The following MYO18B variants were observed in gnomAD, a reference collection of about 807,000 sequenced individuals.
The protein encoded by MYO18B is unconventional myosin-XVIIIb.
MYO18B carries 204 observed loss-of-function variants against 273.0 expected under a neutral mutation model. The observed-to-expected ratio is 0.75, with a 90% CI of 0.67 to 0.84. The LOEUF is 0.84. Ranked by LOEUF, MYO18B falls within the 40% of genes least tolerant of loss-of-function variation. The pLI is 0.00. For synonymous variants in MYO18B, 1,330 were observed against 1,305.7 expected (o/e 1.02, Z -0.40); for missense variants, 3,212 against 3,287.6 (o/e 0.98, Z 0.56).
intron 42 of MYO18B, among the ~76,000 whole-genome samples, chr22:26,011,333 A>T (rs951171044): frequency 7.2e-5 from 11 of 152,142 alleles, no homozygotes; most frequent in Admixed American, 5.2e-4. Context: ...AGGGGACTGA[A>T]GGAGCCTCTT....
At chr22:25,903,919 T>A in intron 31 of MYO18B, 88 bp downstream of exon 31, 1 of 1,388,390 alleles carries the variant, frequency 7.2e-7, no homozygotes, top group Non-Finnish European at 9.8e-7. Context: ...GTGCCTCACT[T>A]GGCTGCTCCT....
chr22:26,023,030 C>G (rs1460304924), intron 42 of MYO18B, among the ~76,000 whole-genome samples: 1 of 152,252 alleles, frequency 6.6e-6, no homozygotes, highest in African/African-American at 2.4e-5. Flanking sequence ...TTTGTTAAAG[C>G]CAAGATGGCA....
the MYO18B span, among the ~76,000 whole-genome samples, chr22:26,058,778 A>G: frequency 6.6e-6 from 1 of 152,236 alleles, no homozygotes; most frequent in East Asian, 1.9e-4. Context: ...TCATGAGTGG[A>G]AGCAGCTTGA....
At position 25,835,279 on chromosome 22, in the gene MYO18B, C is replaced by T. The variant is rs920940777; in HGVS notation, c.3061-17C>T. The stretch of plus-strand genomic sequence containing the variant: ...TGGGTATCAGGGCCCTTCAGTGAAT[C>T]CTGGTTCTCCCAGCAGGTCCGCTTA... On this transcript the variant is annotated splice_polypyrimidine_tract_variant and intron_variant, in intron 16 of 43. Coordinates refer to ENST00000335473, the MANE Select transcript of MYO18B (RefSeq NM_032608.7). 6 of 1,611,338 alleles carry T rather than the reference C, an allele frequency of 3.7e-6. No homozygotes were observed. In the African/African-American group the frequency reaches 8.0e-5, roughly 22 times the overall value.
intron 1 of MYO18B, among the ~76,000 whole-genome samples, chr22:25,759,378 A>G (rs868065862): frequency 6.6e-6 from 1 of 150,790 alleles, no homozygotes; most frequent in South Asian, 2.1e-4. Context: ...TTGCAGGGAC[A>G]TGGATGAAGC....
intron 33 of MYO18B, among the ~76,000 whole-genome samples, chr22:25,914,925 C>T (rs2092235669): frequency 6.6e-6 from 1 of 151,444 alleles, no homozygotes; most frequent in African/African-American, 2.4e-5. Flanking sequence ...TCTCTGTCTC[C>T]TGACCTCGTG....
chr22:25,957,007 C>T (rs1601684717), intron 39 of MYO18B, among the ~76,000 whole-genome samples: 1 of 152,184 alleles, frequency 6.6e-6, no homozygotes, highest in African/African-American at 2.4e-5. Context: ...GTCCAGGCCT[C>T]CTGACTGGCG....
At chr22:26,010,964 A>G (rs1046268144) in intron 42 of MYO18B, among the ~76,000 whole-genome samples, 3 of 151,618 alleles carry the variant, frequency 2.0e-5, no homozygotes, top group African/African-American at 7.3e-5. Context: ...ATACCAAGAA[A>G]CCTCTGCGTA....
intron 40 of MYO18B, among the ~76,000 whole-genome samples, chr22:25,993,654 C>A (rs944148019): frequency 3.3e-4 from 50 of 152,262 alleles, no homozygotes; most frequent in African/African-American, 1.1e-3. Context: ...TGCTGAAGTT[C>A]CTACCCAGAC....
At chr22:25,915,300 A>G (rs1455219193) in intron 33 of MYO18B, among the ~76,000 whole-genome samples, 2 of 152,326 alleles carry the variant, frequency 1.3e-5, no homozygotes, top group South Asian at 2.1e-4. Context: ...TTGTGGGAAC[A>G]TCCTAGAGTG....
intron 1 of MYO18B, among the ~76,000 whole-genome samples, chr22:25,747,175 T>C (rs1475323946): frequency 2.0e-5 from 3 of 152,088 alleles, no homozygotes; most frequent in Non-Finnish European, 4.4e-5. Flanking sequence ...GATGGAGCAC[T>C]CAATCCCTAA....
intron 25 of MYO18B, among the ~76,000 whole-genome samples, chr22:25,890,148 G>A (rs1178181479): frequency 6.6e-6 from 1 of 152,170 alleles, no homozygotes; most frequent in Non-Finnish European, 1.5e-5. Context: ...TTATGTAGTA[G>A]CTAACTGAAT....
At chr22:25,989,122 T>C (rs1180772139) in intron 39 of MYO18B, among the ~76,000 whole-genome samples, 1 of 152,146 alleles carries the variant, frequency 6.6e-6, no homozygotes, top group African/African-American at 2.4e-5. Context: ...TGCATGACAC[T>C]GACATGGGCA....
intron 14 of MYO18B, among the ~76,000 whole-genome samples, chr22:25,828,473 T>A (rs1328210305): frequency 6.6e-6 from 1 of 152,146 alleles, no homozygotes; most frequent in East Asian, 1.9e-4. Context: ...CTAGGCTTCA[T>A]ATGGTAGCCA....
rs962797833 is a variant in MYO18B at position 25,967,374 on chromosome 22, C to T, written c.6156+12010C>T. Among the ~76,000 whole-genome samples, 5 of 152,280 alleles carry T rather than the reference C, an allele frequency of 3.3e-5. No individual in the cohort carries two copies. The East Asian group carries it at 5.8e-4, about 18-fold the overall frequency. ...ATGGTAGAAAGCTTGATCATTGTTA[C>T]GATTTGACATCTTTAAAAGATAGTG... On this transcript the variant is annotated intron_variant, in intron 39 of 43. Coordinates refer to ENST00000335473, the MANE Select transcript of MYO18B (RefSeq NM_032608.7).
chr22:25,895,074 A>G, intron 27 of MYO18B, 82 bp from the exon 28 acceptor site: 1 of 1,511,210 alleles, frequency 6.6e-7, no homozygotes. Flanking sequence ...CCAAGAGCCA[A>G]GAAAGTGGAG....
intron 39 of MYO18B, among the ~76,000 whole-genome samples, chr22:25,981,994 A>G (rs1342930252): frequency 6.6e-6 from 1 of 152,210 alleles, no homozygotes; most frequent in African/African-American, 2.4e-5. Context: ...GGCCTCAGGA[A>G]GCACAATCAT....
intron 34 of MYO18B, among the ~76,000 whole-genome samples, chr22:25,940,871 G>C (rs142108638): frequency 3.6e-4 from 55 of 152,316 alleles, no homozygotes; most frequent in African/African-American, 1.0e-3. Context: ...GACTTGGAAT[G>C]AACATTTTAC....
the MYO18B span, among the ~76,000 whole-genome samples, chr22:26,042,330 C>T: frequency 2.6e-5 from 4 of 152,228 alleles, no homozygotes; most frequent in Non-Finnish European, 5.9e-5. Context: ...CAGCACAGCA[C>T]GGAACATGAC....
Sources: allele counts gnomAD v4.1 joint callset (sites outside exome capture counted in the v4.1 genomes callset), GRCh38; gene constraint gnomAD v4.1.1; transcripts MANE v1.5; gene names NCBI Gene and HGNC (gene_info 2026-07-23, HGNC 2026-07-21).